Variants in CPLANE1 observed in about 807,000 individuals in gnomAD.
CPLANE1 encodes ciliogenesis and planar polarity effector complex subunit 1.
CPLANE1 carries 263 observed loss-of-function variants against 362.5 expected under a neutral mutation model. The observed-to-expected ratio is 0.73, with a 90% confidence interval of 0.66 to 0.80. The LOEUF is 0.80. Among genes scored for constraint, CPLANE1 ranks in the 30% least tolerant of loss-of-function variants. The pLI is 0.00. For missense variants in CPLANE1, 3,461 were observed against 3,793.4 expected (o/e 0.91, Z 2.30); for synonymous variants, 1,212 against 1,302.6 (o/e 0.93, Z 1.50).
intron 46 of CPLANE1, among the ~76,000 whole-genome samples, chr5:37,136,370 GA>G (rs1767711571): frequency 6.6e-6 from 1 of 152,224 alleles, no homozygotes; most frequent in South Asian, 2.1e-4. Flanking sequence ...GCTGATGCAA[GA>G]GGTGGGTTCC....
intron 4 of CPLANE1, among the ~76,000 whole-genome samples, chr5:37,244,910 A>G (rs555410640): frequency 6.6e-6 from 1 of 151,238 alleles, no homozygotes; most frequent in African/African-American, 2.4e-5. Flanking sequence ...TCTAAAAAAG[A>G]AAAAAAAAGG....
chr5:37,158,950 A>AT (rs1005815201), intron 38 of CPLANE1, among the ~76,000 whole-genome samples: 3 of 150,574 alleles, frequency 2.0e-5, no homozygotes, highest in South Asian at 2.1e-4. Flanking sequence ...CACCTGGCTA[A>AT]TTTTTTTGTA....
In CPLANE1 at chr5:37,180,840, T is replaced by C. The variant is rs774528291; in HGVS notation, c.5570+17A>G. 6.2e-7 allele frequency: 1 copy of C among 1,611,528 alleles called. No homozygotes were observed. The highest frequency in any genetic ancestry group is 8.5e-7 in the Non-Finnish European group (1 of 1,177,948). ...ACATGTCTTATATTGAAAAGAAGAG[T>C]ATAATCGGCAACTTACTTCAAGATA... On this transcript the variant is annotated intron_variant, in intron 27 of 52. Coordinates refer to ENST00000651892, the MANE Select transcript of CPLANE1 (RefSeq NM_001384732.1).
intron 16 of CPLANE1, chr5:37,210,321 A>G: frequency 1.4e-6 from 2 of 1,439,434 alleles, no homozygotes; most frequent in Non-Finnish European, 2.0e-6. Context: ...CCAGGAAGAA[A>G]AACATAAAAG....
At chr5:37,176,546 A>AG (rs1366806697) in intron 30 of CPLANE1, among the ~76,000 whole-genome samples, 1 of 152,146 alleles carries the variant, frequency 6.6e-6, no homozygotes, top group Non-Finnish European at 1.5e-5. Context: ...TTCCAAAAAA[A>AG]GAAAAGAAAG....
chr5:37,177,573 C>A (rs764896080), intron 30 of CPLANE1, 48 bp downstream of exon 30: 1 of 1,377,804 alleles, frequency 7.3e-7, no homozygotes, highest in East Asian at 2.3e-5. Context: ...CTGAAAGCTT[C>A]ACTGAGGTAA....
Position 37,205,427 on chromosome 5 carries a change from T to C in CPLANE1, c.3177A>G (p.Pro1059=), listed in dbSNP as rs1238292679. ...AAATCTGTGCTGGAGTCATACGGAG[T>C]GGTAGATTCAGACTCTTTTTCTTGG... ...MRSKKKSLNL[P]LRMTPAQIFQ... The change falls in exon 18 of 53, where the codon CCA becomes CCG. Residue 1059 remains proline (P), a synonymous_variant. Transcript: ENST00000651892. 6 of 1,545,120 alleles carry C rather than the reference T, an allele frequency of 3.9e-6. No homozygotes were observed. Among genetic ancestry groups the C allele is most frequent in the Non-Finnish European group, 3.5e-6 (4 of 1,144,160 alleles).
At position 37,168,802 on chromosome 5, in the gene CPLANE1, G is replaced by C. The variant is rs769392264; in HGVS notation, c.7222C>G (p.Pro2408Ala). 3 of 1,610,902 alleles carry C rather than the reference G, an allele frequency of 1.9e-6. No individual in the cohort carries two copies. Among genetic ancestry groups the C allele is most frequent in the Non-Finnish European group, 1.7e-6 (2 of 1,178,318 alleles). The change falls in exon 34 of 53, where the codon CCA (proline) becomes GCA (alanine). Residue 2408 changes from proline to alanine, a missense_variant. Transcript: ENST00000651892. ...RLSLLHSHLS[P>A]ENRCKKTQLI... ...CAAAAATTCATTACCCTATTTTCTG[G>C]GGACAAATGTGAATGAAGTAATGAC... is the stretch of plus-strand genomic sequence containing the variant.
intron 15 of CPLANE1, among the ~76,000 whole-genome samples, chr5:37,219,917 C>T (rs1045525923): frequency 5.3e-5 from 8 of 151,994 alleles, no homozygotes; most frequent in African/African-American, 1.9e-4. Flanking sequence ...AATATGAACA[C>T]GTATTACTTC....
intron 30 of CPLANE1, among the ~76,000 whole-genome samples, chr5:37,176,841 C>T (rs1445414544): frequency 6.6e-6 from 1 of 151,166 alleles, no homozygotes; most frequent in Admixed American, 6.6e-5. Context: ...TCACTGCAAG[C>T]TCCGCCTCCC....
At chr5:37,127,949 G>C (rs1051346631) in intron 46 of CPLANE1, among the ~76,000 whole-genome samples, 2 of 152,084 alleles carry the variant, frequency 1.3e-5, no homozygotes, top group Non-Finnish European at 2.9e-5. Flanking sequence ...TAAGGTGGGA[G>C]AATCACTTAA....
chr5:37,156,314 T>A (rs186896357), intron 41 of CPLANE1, among the ~76,000 whole-genome samples: 2 of 152,278 alleles, frequency 1.3e-5, no homozygotes, highest in African/African-American at 2.4e-5. Context: ...TGGAGGGATA[T>A]TCTTCTAGGC....
chr5:37,133,622 T>G (rs766026668), intron 46 of CPLANE1, among the ~76,000 whole-genome samples: 1 of 152,098 alleles, frequency 6.6e-6, no homozygotes, highest in African/African-American at 2.4e-5. Flanking sequence ...GTACATTGAT[T>G]TTGTATCCTG....
At chr5:37,100,554 C>A in the CPLANE1 span, among the ~76,000 whole-genome samples, 1 of 152,136 alleles carries the variant, frequency 6.6e-6, no homozygotes, top group Admixed American at 6.6e-5. Flanking sequence ...ATGCCTCAAG[C>A]TTTGTTCTTT....
At position 37,175,994 on chromosome 5, in the gene CPLANE1, T is replaced by C. The variant is rs769030988; in HGVS notation, c.5901-8A>G. Reference sequence around the variant, plus strand: ...GAAAAGGCTTCGATCATACTATCAATAAAAATTAACAGGTGATTAGTAAGC... The same window carrying C: ...GAAAAGGCTTCGATCATACTATCAACAAAAATTAACAGGTGATTAGTAAGC... On this transcript the variant is annotated splice_polypyrimidine_tract_variant and splice_region_variant and intron_variant, in intron 30 of 52. Transcript: ENST00000651892. 4 of 1,594,602 alleles carry C rather than the reference T, an allele frequency of 2.5e-6. No homozygotes were observed. The highest frequency in any genetic ancestry group is 1.7e-4 in the Middle Eastern group (1 of 5,960).
At chr5:37,175,631 A>T (rs1185331223) in intron 31 of CPLANE1, among the ~76,000 whole-genome samples, 2 of 152,234 alleles carry the variant, frequency 1.3e-5, no homozygotes, top group Non-Finnish European at 1.5e-5. Context: ...CAACAACTTC[A>T]TCTTTCAATA....
chr5:37,179,309 A>G (rs1782047236), intron 29 of CPLANE1, 52 bp downstream of exon 29: 1 of 1,137,444 alleles, frequency 8.8e-7, no homozygotes, highest in Non-Finnish European at 1.3e-6. Flanking sequence ...TATAATTTAA[A>G]CACTATACAA....
intron 21 of CPLANE1, among the ~76,000 whole-genome samples, chr5:37,189,579 C>T: frequency 6.6e-6 from 1 of 152,228 alleles, no homozygotes; most frequent in East Asian, 1.9e-4. Context: ...AGTGACTCAT[C>T]TAAAAACATC....
At chr5:37,223,723 T>C (rs896261290) in intron 14 of CPLANE1, among the ~76,000 whole-genome samples, 3 of 152,200 alleles carry the variant, frequency 2.0e-5, no homozygotes, top group Non-Finnish European at 4.4e-5. Flanking sequence ...ACGTTTAACT[T>C]ACATACAATT....
Sources: allele counts gnomAD v4.1 joint callset (sites outside exome capture counted in the v4.1 genomes callset), GRCh38; gene constraint gnomAD v4.1.1; transcripts MANE v1.5; gene names NCBI Gene and HGNC (gene_info 2026-07-23, HGNC 2026-07-21).